MIPOL1: variants seen among roughly 807,000 people sequenced by gnomAD.
The protein encoded by MIPOL1 is mirror-image polydactyly gene 1 protein.
A neutral mutation model predicts 60.9 loss-of-function variants in MIPOL1; 57 were observed. That is an observed-to-expected ratio of 0.94 (90% CI 0.76 to 1.17). MIPOL1 has a LOEUF of 1.17. MIPOL1 is among the 50% of genes most tolerant of loss of function. MIPOL1 has a pLI of 0.00. For synonymous variants in MIPOL1, 179 were observed against 168.8 expected (o/e 1.06, Z -0.47); for missense variants, 551 against 511.6 (o/e 1.08, Z -0.74).
At chr14:37,218,367 T>A (rs201428833) in intron 1 of MIPOL1, among the ~76,000 whole-genome samples, 3 of 135,026 alleles carry the variant, frequency 2.2e-5, no homozygotes, top group Non-Finnish European at 4.8e-5. Flanking sequence ...TTTTTTTTTT[T>A]AATAGAGGTG....
chr14:37,364,556 T>C lies in MIPOL1; in HGVS notation c.829-4961T>C, dbSNP rs534157306. 1.4e-4 allele frequency among the ~76,000 whole-genome samples: 22 copies of C among 152,300 alleles called. No individual in the cohort carries two copies. The South Asian group carries it at 4.6e-3, about 32-fold the overall frequency. On this transcript the variant is annotated intron_variant, in intron 9 of 12. Coordinates refer to ENST00000684589, the MANE Select transcript of MIPOL1 (RefSeq NM_001388067.1). ...CACTGTAGGTGTGTAGATTTGTTTC[T>C]GGGTTTTCTATTCTGTTCCATTGGT...
chr14:37,248,937 CAG>C (rs1281113617), intron 3 of MIPOL1, among the ~76,000 whole-genome samples: 1 of 151,702 alleles, frequency 6.6e-6, no homozygotes, highest in African/African-American at 2.4e-5. Flanking sequence ...TGTCTGAAGA[CAG>C]AGACAGACTG....
intron 11 of MIPOL1, among the ~76,000 whole-genome samples, chr14:37,447,503 A>G (rs575451878): frequency 3.9e-5 from 6 of 152,044 alleles, no homozygotes; most frequent in African/African-American, 1.4e-4. Flanking sequence ...TAGTTCCCTC[A>G]TTTTACTGTG....
chr14:37,211,708 G>A (rs1966847294), intron 1 of MIPOL1, among the ~76,000 whole-genome samples: 1 of 152,034 alleles, frequency 6.6e-6, no homozygotes, highest in Non-Finnish European at 1.5e-5. Flanking sequence ...GACTGTGGTT[G>A]GGGGGCATGT....
chr14:37,217,223 A>G (rs1236466420), intron 1 of MIPOL1, among the ~76,000 whole-genome samples: 1 of 152,178 alleles, frequency 6.6e-6, no homozygotes. Flanking sequence ...TGAACAGGCT[A>G]GTAATAAGTA....
At chr14:37,457,564 C>G (rs1361308884) in intron 11 of MIPOL1, among the ~76,000 whole-genome samples, 1 of 152,160 alleles carries the variant, frequency 6.6e-6, no homozygotes, top group Admixed American at 6.5e-5. Context: ...CTGCAAGTTT[C>G]TATTTAGCAC....
chr14:37,339,789 T>G (rs1244835012), intron 9 of MIPOL1, among the ~76,000 whole-genome samples: 1 of 152,126 alleles, frequency 6.6e-6, no homozygotes, highest in African/African-American at 2.4e-5. Context: ...AGAGATGAAA[T>G]AACCCATGCT....
intron 7 of MIPOL1, among the ~76,000 whole-genome samples, chr14:37,302,109 G>C (rs1305582105): frequency 6.8e-6 from 1 of 146,258 alleles, no homozygotes; most frequent in African/African-American, 2.5e-5. Flanking sequence ...AATCAGTTGA[G>C]TAAACCCAGT....
At chr14:37,470,602 G>A (rs1045135776) in intron 11 of MIPOL1, among the ~76,000 whole-genome samples, 4 of 152,048 alleles carry the variant, frequency 2.6e-5, no homozygotes, top group African/African-American at 9.7e-5. Flanking sequence ...TGCACAGCCT[G>A]CAGAACTGTG....
chr14:37,475,567 G>A (rs763651218), intron 11 of MIPOL1, among the ~76,000 whole-genome samples: 4 of 151,762 alleles, frequency 2.6e-5, no homozygotes, highest in Non-Finnish European at 2.9e-5. Flanking sequence ...TGCTGTTATA[G>A]TCCTGTGGTC....
At chr14:37,461,725 G>A (rs559463960) in intron 11 of MIPOL1, among the ~76,000 whole-genome samples, 2 of 152,304 alleles carry the variant, frequency 1.3e-5, no homozygotes, top group African/African-American at 4.8e-5. Flanking sequence ...ACCCATGCAA[G>A]TCCAAAATCC....
intron 1 of MIPOL1, among the ~76,000 whole-genome samples, chr14:37,208,756 G>A (rs1489836106): frequency 6.6e-6 from 1 of 152,102 alleles, no homozygotes; most frequent in African/African-American, 2.4e-5. Flanking sequence ...ACCATGCCCG[G>A]CTAATTTTTG....
At chr14:37,336,544 C>T (rs766653269) in intron 9 of MIPOL1, among the ~76,000 whole-genome samples, 11 of 151,460 alleles carry the variant, frequency 7.3e-5, no homozygotes, top group African/African-American at 1.5e-4. Flanking sequence ...TTAAAATTCC[C>T]GTCTCCCTGG....
intron 9 of MIPOL1, among the ~76,000 whole-genome samples, chr14:37,333,004 G>A (rs943110617): frequency 1.3e-5 from 2 of 152,186 alleles, no homozygotes; most frequent in Non-Finnish European, 2.9e-5. Context: ...AGCAATAGCA[G>A]GTGGTTATGA....
rs116728484 is a variant in MIPOL1 at position 37,247,843 on chromosome 14, G to A, written c.-46G>A. The A allele has an allele frequency of 1.5e-3, 2,353 of 1,608,926 alleles. 19 individuals carry two copies. The African/African-American group carries it at 0.021, about 14-fold the overall frequency. Reference sequence around the variant, plus strand: ...CTTTATTTTAGCTGCAAATCTTGGAGCAAAAACCAGAGACATTGCCAGAGC... The same window carrying A: ...CTTTATTTTAGCTGCAAATCTTGGAACAAAAACCAGAGACATTGCCAGAGC... On this transcript the variant is annotated 5_prime_UTR_variant, in exon 3 of 13. Coordinates refer to ENST00000684589, the MANE Select transcript of MIPOL1 (RefSeq NM_001388067.1).
chr14:37,543,830 C>T (rs999815966), intron 12 of MIPOL1, among the ~76,000 whole-genome samples: 2 of 152,080 alleles, frequency 1.3e-5, no homozygotes, highest in African/African-American at 4.8e-5. Context: ...TCATTGTGTT[C>T]CCCTGTCTAC....
At chr14:37,290,469 A>G (rs1033971198) in intron 7 of MIPOL1, among the ~76,000 whole-genome samples, 1 of 151,240 alleles carries the variant, frequency 6.6e-6, no homozygotes, top group African/African-American at 2.4e-5. Context: ...CAAGTGATCC[A>G]CCCGCCTCAG....
At position 37,268,659 on chromosome 14, in the gene MIPOL1, G is replaced by A. The variant is rs146170567; in HGVS notation, c.253G>A (p.Val85Ile). 36 of 1,578,590 alleles carry A rather than the reference G, an allele frequency of 2.3e-5. No homozygotes were observed. Among genetic ancestry groups the A allele is most frequent in the East Asian group, 9.3e-5 (4 of 43,010 alleles). The change falls in exon 5 of 13, where the codon GTT (valine) becomes ATT (isoleucine). Residue 85 changes from valine to isoleucine, a missense_variant and splice_region_variant. Transcript: ENST00000684589. The stretch of plus-strand genomic sequence containing the variant: ...TGTTAATCAGTTTCTTTATTACAGC[G>A]TTATGGAACATAGACATAATGATAT... ...SVYCTTEKYNVMEHRHNDMHY... is the reference protein window; with the variant it reads ...SVYCTTEKYNIMEHRHNDMHY...
chr14:37,459,624 G>A (rs7161369), intron 11 of MIPOL1, among the ~76,000 whole-genome samples: 150,549 of 152,342 alleles, frequency 0.99, 74,412 homozygotes, highest in Middle Eastern at 1. Context: ...TCTTGAAACT[G>A]TTCTAAAAAA....
Sources: gnomAD v4.1 joint callset for allele counts (sites outside exome capture counted in the v4.1 genomes callset) on GRCh38, gnomAD v4.1.1 for gene constraint, MANE v1.5 for transcripts, NCBI Gene and HGNC (gene_info 2026-07-23, HGNC 2026-07-21) for gene names.